Variants in CFAP45 observed in about 807,000 individuals in gnomAD.
The protein encoded by CFAP45 is cilia- and flagella-associated protein 45.
A neutral mutation model predicts 75.6 loss-of-function variants in CFAP45; 43 were observed. The ratio of observed to expected loss-of-function variants is 0.57; its 90% CI spans 0.45 to 0.73. CFAP45 has a LOEUF of 0.73. Ranked by LOEUF, CFAP45 falls within the 30% of genes least tolerant of loss-of-function variation. CFAP45 has a pLI of 0.00. For missense variants in CFAP45, 689 were observed against 701.5 expected, an observed-to-expected ratio of 0.98 and a Z score of 0.20; for synonymous variants, 223 against 244.6, an observed-to-expected ratio of 0.91 and a Z score of 0.82.
intron 1 of CFAP45, among the ~76,000 whole-genome samples, chr1:159,893,774 T>C (rs1000677217): frequency 7.2e-5 from 11 of 152,106 alleles, no homozygotes; most frequent in Admixed American, 6.6e-4. Flanking sequence ...TTTTGAGAAA[T>C]ATAAATGTTA....
chr1:159,878,431 T>G (rs779127926), intron 8 of CFAP45, among the ~76,000 whole-genome samples: 1 of 152,028 alleles, frequency 6.6e-6, no homozygotes, highest in Non-Finnish European at 1.5e-5. Context: ...AGATGAATGG[T>G]GCAGGTTGGA....
At chr1:159,894,137 GT>G (rs1175287890) in intron 1 of CFAP45, among the ~76,000 whole-genome samples, 1 of 152,072 alleles carries the variant, frequency 6.6e-6, no homozygotes, top group Non-Finnish European at 1.5e-5. Flanking sequence ...AAACTGTTTT[GT>G]TTTTTGTGGG....
chr1:159,884,835 C>A (rs1275208196), intron 6 of CFAP45, among the ~76,000 whole-genome samples: 1 of 152,148 alleles, frequency 6.6e-6, no homozygotes, highest in Non-Finnish European at 1.5e-5. Flanking sequence ...AAGAGGGGTA[C>A]CCCACTTGAT....
intron 2 of CFAP45, 52 bp from the exon 3 acceptor site, chr1:159,890,674 G>A (rs1649806211): frequency 6.3e-7 from 1 of 1,584,116 alleles, no homozygotes; most frequent in Admixed American, 1.7e-5. Context: ...ACTTCCTGCT[G>A]GTCAGTCCTA....
chr1:159,881,483 C>T (rs1453002083), intron 7 of CFAP45, among the ~76,000 whole-genome samples: 1 of 152,214 alleles, frequency 6.6e-6, no homozygotes, highest in Non-Finnish European at 1.5e-5. Flanking sequence ...CATATGTGTT[C>T]GCTCTGCCCC....
In CFAP45 at chr1:159,893,080, T is replaced by C. The variant is rs1425395520; in HGVS notation, c.129+100A>G. The C allele has an allele frequency of 5.8e-6, 8 of 1,374,472 alleles. No individual in the cohort carries two copies. In the African/African-American group the frequency reaches 8.6e-5, roughly 15 times the overall value. The allele number at this position is 1,374,472 out of a possible 1,614,324, so 85.1% of individuals were successfully genotyped here. A position where few individuals can be genotyped will look rare whatever the true frequency, so the allele number is the denominator to read the frequency against. The stretch of plus-strand genomic sequence containing the variant: ...CTTTGTCTTCAGTCTGAGAGTTACC[T>C]ACGAGAGCAAGGTTACTCAGCAGAA... On this transcript the variant is annotated intron_variant, in intron 2 of 11. Coordinates refer to ENST00000368099, the MANE Select transcript of CFAP45 (RefSeq NM_012337.3).
intron 8 of CFAP45, among the ~76,000 whole-genome samples, chr1:159,878,133 T>A (rs1260997961): frequency 6.6e-6 from 1 of 152,188 alleles, no homozygotes; most frequent in Non-Finnish European, 1.5e-5. Context: ...ACCCTGACCC[T>A]GGCTTTCACA....
At chr1:159,874,616 G>A (rs2101840081) in intron 10 of CFAP45, among the ~76,000 whole-genome samples, 1 of 152,298 alleles carries the variant, frequency 6.6e-6, no homozygotes, top group Non-Finnish European at 1.5e-5. Context: ...TGGAAAAGGG[G>A]GACTTGTATG....
Position 159,888,024 on chromosome 1 carries a change from A to G in CFAP45, c.418-13T>C, listed in dbSNP as rs1254240751. 1 of 1,611,594 alleles carries G rather than the reference A, an allele frequency of 6.2e-7. No individual in the cohort carries two copies. The highest frequency in any genetic ancestry group is 1.1e-5 in the South Asian group (1 of 90,992). ...TCATCACTGCATCCTAAGGGAGACC[A>G]GTCTGGCTCAGTGGGAGATTATTTC... is the stretch of plus-strand genomic sequence containing the variant. On this transcript the variant is annotated splice_polypyrimidine_tract_variant and intron_variant, in intron 4 of 11. Coordinates refer to ENST00000368099, the MANE Select transcript of CFAP45 (RefSeq NM_012337.3).
intron 7 of CFAP45, among the ~76,000 whole-genome samples, chr1:159,880,979 A>G (rs1649535627): frequency 6.6e-6 from 1 of 152,204 alleles, no homozygotes. Context: ...AAAGTTCCAT[A>G]CAATTGCCTC....
chr1:159,898,661 C>G (rs1650004113), intron 1 of CFAP45, among the ~76,000 whole-genome samples: 1 of 152,152 alleles, frequency 6.6e-6, no homozygotes, highest in Non-Finnish European at 1.5e-5. Context: ...AACTTATGCC[C>G]TATGAGAGCT....
chr1:159,890,719 T>C, intron 2 of CFAP45, 97 bp from the exon 3 acceptor site: 1 of 1,037,684 alleles, frequency 9.6e-7, no homozygotes, highest in Admixed American at 2.1e-5. Context: ...GCCCTGTATC[T>C]GAGCATGGCT....
chr1:159,888,373 C>A lies in CFAP45; in HGVS notation c.396G>T (p.Lys132Asn). 6.2e-7 allele frequency: 1 copy of A among 1,614,132 alleles called. No homozygotes were observed. Among genetic ancestry groups the A allele is most frequent in the South Asian group, 1.1e-5 (1 of 91,072 alleles). ...EELEARDQAF[K>N]KEKEATMDAV... is the part of the protein sequence containing the mutation. ...CTACCATGGTGGCTTCCTTCTCCTTCTTGAAGGCCTGGTCCCTGGCCTCAA... is the reference window on the plus strand; with the variant it reads ...CTACCATGGTGGCTTCCTTCTCCTTATTGAAGGCCTGGTCCCTGGCCTCAA... The change falls in exon 4 of 12, where the codon AAG (lysine) becomes AAT (asparagine). Residue 132 changes from lysine to asparagine, a missense_variant. Physicochemically the swap from Lys to Asn is moderately conservative, Grantham distance 94. Coordinates refer to ENST00000368099, the MANE Select transcript of CFAP45 (RefSeq NM_012337.3).
In CFAP45 at chr1:159,880,704, C is replaced by G. The variant is rs1316956607; in HGVS notation, c.898-4G>C. 2 of 1,613,216 alleles carry G rather than the reference C, an allele frequency of 1.2e-6. No homozygotes were observed. Among genetic ancestry groups the G allele is most frequent in the African/African-American group, 2.7e-5 (2 of 74,846 alleles). ...GTTGCTGCCTTCGTTCCATGTCCTG[C>G]CAGCAAAAGAAAGAGAGCCTCAGAG... On this transcript the variant is annotated splice_region_variant and splice_polypyrimidine_tract_variant and intron_variant, in intron 7 of 11. Coordinates refer to ENST00000368099, the MANE Select transcript of CFAP45 (RefSeq NM_012337.3).
chr1:159,886,691 T>C lies in CFAP45; in HGVS notation c.589-2A>G. The stretch of plus-strand genomic sequence containing the variant: ...ATGGCACTTAGCATTGAGGATAATC[T>C]GGAGAGTGGAGATTAAACTGTAGCA... On this transcript the variant is annotated splice_acceptor_variant, in intron 5 of 11. Coordinates refer to ENST00000368099, the MANE Select transcript of CFAP45 (RefSeq NM_012337.3). LOFTEE classifies it high-confidence loss of function. The C allele has an allele frequency of 1.2e-6, 2 of 1,613,468 alleles. No individual in the cohort carries two copies. The highest frequency in any genetic ancestry group is 2.2e-5 in the South Asian group (2 of 91,072).
intron 7 of CFAP45, among the ~76,000 whole-genome samples, chr1:159,883,505 G>C (rs1184545564): frequency 6.6e-6 from 1 of 152,216 alleles, no homozygotes; most frequent in South Asian, 2.1e-4. Context: ...TGGAGGAGGT[G>C]ATAATGGTAT....
At chr1:159,899,103 C>T (rs1249619522) in intron 1 of CFAP45, among the ~76,000 whole-genome samples, 2 of 152,168 alleles carry the variant, frequency 1.3e-5, no homozygotes, top group Non-Finnish European at 2.9e-5. Flanking sequence ...CCCCTCCCCT[C>T]TGGGACCAAC....
intron 8 of CFAP45, 144 bp downstream of exon 8, chr1:159,880,410 A>C (rs1243489251): frequency 1.4e-6 from 1 of 713,782 alleles, no homozygotes; most frequent in East Asian, 2.6e-5. Flanking sequence ...AGAGACAAAG[A>C]AGCCAGGCCC....
At position 159,884,583 on chromosome 1, in the gene CFAP45, C is replaced by A. The variant is rs761164701; in HGVS notation, c.768-18G>T. The A allele has an allele frequency of 5.6e-6, 9 of 1,611,106 alleles. No individual in the cohort carries two copies. In the South Asian group the frequency reaches 9.9e-5, roughly 18 times the overall value. On this transcript the variant is annotated intron_variant, in intron 6 of 11. Transcript: ENST00000368099. ...GCCTTCCTCTTGGAGAGAACAGTGC[C>A]ACAGTGTCTTAGAAACCCCGGGTCC...
Sources: allele counts gnomAD v4.1 joint callset (sites outside exome capture counted in the v4.1 genomes callset), GRCh38; gene constraint gnomAD v4.1.1; transcripts MANE v1.5; gene names NCBI Gene and HGNC (gene_info 2026-07-23, HGNC 2026-07-21).